Variants in STAU2 observed in about 807,000 individuals in gnomAD.
STAU2 encodes the protein staufen double-stranded RNA binding protein 2.
STAU2 carries 20 observed loss-of-function variants against 65.9 expected under a neutral mutation model. The observed-to-expected ratio is 0.30, with a 90% CI of 0.21 to 0.44. The LOEUF is 0.44. STAU2 is among the 20% of genes least tolerant of loss of function. STAU2 has a pLI of 1.00. For missense variants in STAU2, 558 were observed against 683.9 expected, an observed-to-expected ratio of 0.82 and a Z score of 2.05; for synonymous variants, 232 against 233.9, an observed-to-expected ratio of 0.99 and a Z score of 0.07.
At chr8:73,546,123 CTTTTTT>C (rs71561528) in intron 13 of STAU2, among the ~76,000 whole-genome samples, 46 of 93,316 alleles carry the variant, frequency 4.9e-4, no homozygotes, top group Non-Finnish European at 4.6e-4. Flanking sequence ...GTTTGGTTTT[CTTTTTT>C]TTTTTTTTTT....
At position 73,739,829 on chromosome 8, in the gene STAU2, T is replaced by C; in HGVS notation, c.-157A>G. On this transcript the variant is annotated 5_prime_UTR_variant, in exon 2 of 15. Coordinates refer to ENST00000524300, the MANE Select transcript of STAU2 (RefSeq NM_001164380.2). ...TTTCTGTCTTCTTTTTTTTCTTCAA[T>C]CTTTAAAAAGTAAGCTAAAGTCCTT... is the stretch of plus-strand genomic sequence containing the variant. 2 of 1,484,802 alleles carry C rather than the reference T, an allele frequency of 1.3e-6. No individual in the cohort carries two copies. The highest frequency in any genetic ancestry group is 1.8e-6 in the Non-Finnish European group (2 of 1,102,314). The allele number at this position is 1,484,802 out of a possible 1,614,324, so 92.0% of individuals were successfully genotyped here. A position where few individuals can be genotyped will look rare whatever the true frequency, so the allele number is the denominator to read the frequency against.
chr8:73,630,534 T>C (rs1032889349), intron 6 of STAU2, among the ~76,000 whole-genome samples: 1 of 152,256 alleles, frequency 6.6e-6, no homozygotes, highest in African/African-American at 2.4e-5. Flanking sequence ...TCACACTAAA[T>C]ACAAAGTGTG....
chr8:73,690,807 T>G (rs1453932660), intron 4 of STAU2, among the ~76,000 whole-genome samples: 1 of 152,224 alleles, frequency 6.6e-6, no homozygotes, highest in Non-Finnish European at 1.5e-5. Flanking sequence ...ATTCACAACA[T>G]AAACATACCT....
At chr8:73,638,106 G>T (rs1814683063) in intron 6 of STAU2, among the ~76,000 whole-genome samples, 1 of 151,942 alleles carries the variant, frequency 6.6e-6, no homozygotes, top group Non-Finnish European at 1.5e-5. Flanking sequence ...ATCCTGAAAG[G>T]ATAATACATG....
chr8:73,704,098 G>A (rs899199285), intron 4 of STAU2, among the ~76,000 whole-genome samples: 1 of 152,084 alleles, frequency 6.6e-6, no homozygotes, highest in Non-Finnish European at 1.5e-5. Context: ...TGAAAATTAT[G>A]TATTCAAGAG....
intron 13 of STAU2, among the ~76,000 whole-genome samples, chr8:73,437,249 T>A (rs1817770821): frequency 6.6e-6 from 1 of 152,218 alleles, no homozygotes; most frequent in African/African-American, 2.4e-5. Context: ...TCAGGTTAAG[T>A]ACCTGGAGAT....
intron 13 of STAU2, among the ~76,000 whole-genome samples, chr8:73,442,372 A>G (rs1818222359): frequency 6.6e-6 from 1 of 151,380 alleles, no homozygotes; most frequent in Admixed American, 6.6e-5. Flanking sequence ...AAAAAAAAAA[A>G]AAATTAAAAA....
At chr8:73,548,227 T>G (rs1255562974) in intron 13 of STAU2, among the ~76,000 whole-genome samples, 6 of 149,646 alleles carry the variant, frequency 4.0e-5, no homozygotes, top group Admixed American at 4.0e-4. Context: ...TGTATTGATC[T>G]CCTAACAAAA....
chr8:73,745,929 C>A (rs956102214), intron 1 of STAU2, among the ~76,000 whole-genome samples: 143 of 152,024 alleles, frequency 9.4e-4, no homozygotes, highest in African/African-American at 6.5e-4. Context: ...TGCGGAGCAC[C>A]CCCAGCCCCC....
chr8:73,743,021 T>TA (rs145529125), intron 1 of STAU2, among the ~76,000 whole-genome samples: 1,746 of 152,296 alleles, frequency 0.011, 28 homozygotes, highest in African/African-American at 0.039. Context: ...TCTCTACTCT[T>TA]AGACTACAAA....
chr8:73,478,999 A>G (rs758795875), intron 13 of STAU2, among the ~76,000 whole-genome samples: 3 of 152,160 alleles, frequency 2.0e-5, no homozygotes, highest in African/African-American at 7.2e-5. Context: ...ATCATAATGT[A>G]GAGAGAAAAG....
Position 73,515,371 on chromosome 8 carries a change from G to A in STAU2, c.1530+36641C>T, listed in dbSNP as rs1163070090. Among the ~76,000 whole-genome samples the A allele has an allele frequency of 2.0e-5, 3 of 152,188 alleles. No homozygotes were observed. The East Asian group carries it at 5.8e-4, about 29-fold the overall frequency. ...GACAGCCTGAATGTCGGTTCTGCCA[G>A]CAAGTAGACTGATACTCTCTGGATT... On this transcript the variant is annotated intron_variant, in intron 13 of 14. Transcript: ENST00000524300.
At chr8:73,633,891 C>T (rs181021213) in intron 6 of STAU2, among the ~76,000 whole-genome samples, 2 of 151,876 alleles carry the variant, frequency 1.3e-5, no homozygotes, top group East Asian at 2.0e-4. Flanking sequence ...TGAGGCAGAA[C>T]TGCTTGATCC....
At chr8:73,597,669 CAAAAAAAA>C (rs34461371) in intron 10 of STAU2, among the ~76,000 whole-genome samples, 36 of 55,864 alleles carry the variant, frequency 6.4e-4, no homozygotes, top group Admixed American at 2.4e-3. Context: ...GTCTCTGTCT[CAAAAAAAA>C]AAAAAAAAAA....
chr8:73,618,941 A>G (rs764727818), intron 6 of STAU2, among the ~76,000 whole-genome samples: 18 of 152,324 alleles, frequency 1.2e-4, no homozygotes, highest in South Asian at 4.1e-4. Context: ...GACAGTGAAG[A>G]TTGCAAAAGA....
chr8:73,468,897 C>T (rs1297459927), intron 13 of STAU2, among the ~76,000 whole-genome samples: 2 of 152,042 alleles, frequency 1.3e-5, no homozygotes, highest in African/African-American at 4.8e-5. Flanking sequence ...GACAGTATGG[C>T]GATTCCTCAG....
At chr8:73,601,950 G>C (rs1366004363) in intron 10 of STAU2, among the ~76,000 whole-genome samples, 1 of 152,170 alleles carries the variant, frequency 6.6e-6, no homozygotes, top group East Asian at 1.9e-4. Flanking sequence ...GAAAAAAATA[G>C]TGAACATATT....
intron 13 of STAU2, among the ~76,000 whole-genome samples, chr8:73,484,794 G>T (rs1820825188): frequency 6.6e-6 from 1 of 151,982 alleles, no homozygotes; most frequent in Non-Finnish European, 1.5e-5. Flanking sequence ...GCACTCCATG[G>T]CAATCACAAA....
In STAU2 at chr8:73,673,145, A is replaced by G. The variant is rs150527132; in HGVS notation, c.372T>C (p.Tyr124=). The G allele has an allele frequency of 7.3e-4, 1,175 of 1,600,860 alleles. No individual in the cohort carries two copies. Among genetic ancestry groups the G allele is most frequent in the Non-Finnish European group, 9.5e-4 (1,119 of 1,172,718 alleles). ...TGCCCCGAAAGTTGTAATTAGCTCT[A>G]TAATTTGGGAATGGCTTTGGATCTA... is the stretch of plus-strand genomic sequence containing the variant. ...RPLDPKPFPN[Y]RANYNFRGMY... The change falls in exon 6 of 15, where the codon TAT becomes TAC. Residue 124 remains tyrosine, a synonymous_variant. Transcript: ENST00000524300.
Sources: allele counts gnomAD v4.1 joint callset (sites outside exome capture counted in the v4.1 genomes callset), GRCh38; gene constraint gnomAD v4.1.1; transcripts MANE v1.5; gene names NCBI Gene and HGNC (gene_info 2026-07-23, HGNC 2026-07-21).